The following FHIP1A variants were observed in gnomAD, a reference collection of about 807,000 sequenced individuals.
FHIP1A encodes FHF complex subunit HOOK-interacting protein 1A.
In FHIP1A, 61 loss-of-function variants were observed where a neutral mutation model predicts 88.6. The observed-to-expected ratio is 0.69, with a 90% confidence interval of 0.56 to 0.85. The LOEUF is 0.85. Ranked by LOEUF, FHIP1A falls within the 40% of genes least tolerant of loss-of-function variation. The pLI, the probability that FHIP1A is intolerant of heterozygous loss-of-function variation, is 0.00. For synonymous variants in FHIP1A, 478 were observed against 496.0 expected (o/e 0.96, Z 0.48); for missense variants, 1,154 against 1,273.5 (o/e 0.91, Z 1.43).
chr4:151,523,431 C>T (rs1420232100), intron 3 of FHIP1A, among the ~76,000 whole-genome samples: 1 of 152,106 alleles, frequency 6.6e-6, no homozygotes, highest in African/African-American at 2.4e-5. Context: ...CTGGAGGGCT[C>T]CCCATAAGTG....
chr4:151,410,770 A>T (rs1732600871), intron 1 of FHIP1A, among the ~76,000 whole-genome samples: 1 of 152,246 alleles, frequency 6.6e-6, no homozygotes, highest in Non-Finnish European at 1.5e-5. Flanking sequence ...TCTTTAATAC[A>T]GTATACTTGT....
At chr4:151,409,696 C>T (rs1355552508) in intron 1 of FHIP1A, among the ~76,000 whole-genome samples, 2 of 151,926 alleles carry the variant, frequency 1.3e-5, no homozygotes, top group African/African-American at 2.4e-5. Context: ...TCTAGGGTTT[C>T]GGGCTCCGGG....
At chr4:151,652,704 T>G (rs530360322) in intron 11 of FHIP1A, among the ~76,000 whole-genome samples, 46 of 152,256 alleles carry the variant, frequency 3.0e-4, no homozygotes, top group African/African-American at 1.1e-3. Context: ...AGGAGGGGCA[T>G]GGACAGTGCA....
intron 11 of FHIP1A, among the ~76,000 whole-genome samples, chr4:151,653,743 T>C (rs1328039811): frequency 6.6e-6 from 1 of 152,128 alleles, no homozygotes; most frequent in Non-Finnish European, 1.5e-5. Flanking sequence ...ATCAGAGATA[T>C]GTCCAGGGTA....
At chr4:151,622,798 C>T (rs1433663549) in intron 7 of FHIP1A, among the ~76,000 whole-genome samples, 1 of 152,042 alleles carries the variant, frequency 6.6e-6, no homozygotes, top group Non-Finnish European at 1.5e-5. Context: ...CAAAATGCCC[C>T]CATATTTCCT....
At chr4:151,499,857 C>A (rs1009272194) in intron 3 of FHIP1A, among the ~76,000 whole-genome samples, 5 of 152,148 alleles carry the variant, frequency 3.3e-5, no homozygotes, top group African/African-American at 1.2e-4. Flanking sequence ...GTAACCGCCT[C>A]CCGTGATGAA....
At chr4:151,532,402 C>T (rs1360647760) in intron 3 of FHIP1A, among the ~76,000 whole-genome samples, 5 of 152,194 alleles carry the variant, frequency 3.3e-5, no homozygotes, top group Non-Finnish European at 5.9e-5. Context: ...CTCTGTTGTG[C>T]AGTTTTCATG....
intron 4 of FHIP1A, among the ~76,000 whole-genome samples, chr4:151,572,024 A>G (rs77964690): frequency 0.1 from 15,246 of 152,164 alleles, 1,279 homozygotes; most frequent in South Asian, 0.29. Context: ...CCTGGCCAAC[A>G]TGGTGAAACA....
chr4:151,637,879 C>G (rs1051126882), intron 8 of FHIP1A, among the ~76,000 whole-genome samples: 2 of 152,072 alleles, frequency 1.3e-5, no homozygotes, highest in Non-Finnish European at 2.9e-5. Flanking sequence ...TTTCATTGGC[C>G]AGATTTTAAG....
intron 3 of FHIP1A, among the ~76,000 whole-genome samples, chr4:151,517,392 G>A (rs973883431): frequency 2.0e-5 from 3 of 151,968 alleles, no homozygotes; most frequent in Non-Finnish European, 4.4e-5. Context: ...CATGGCACAT[G>A]TATACATATG....
At chr4:151,475,611 TGTGGCTGAA>T (rs1036092559) in intron 2 of FHIP1A, among the ~76,000 whole-genome samples, 5 of 152,054 alleles carry the variant, frequency 3.3e-5, no homozygotes, top group Middle Eastern at 3.2e-3. Context: ...GAGAGGCCAT[TGTGGCTGAA>T]GTGGCTGAAG....
chr4:151,498,135 A>C (rs1399400379), intron 3 of FHIP1A, among the ~76,000 whole-genome samples: 1 of 152,172 alleles, frequency 6.6e-6, no homozygotes, highest in Admixed American at 6.5e-5. Flanking sequence ...TCTCTGATCT[A>C]TTGTGGTAAT....
intron 4 of FHIP1A, among the ~76,000 whole-genome samples, chr4:151,575,259 T>C (rs1733744041): frequency 6.6e-6 from 1 of 152,230 alleles, no homozygotes; most frequent in Non-Finnish European, 1.5e-5. Flanking sequence ...TGAATTTTGT[T>C]CTTCAGAATG....
chr4:151,613,068 C>A (rs1735385837), intron 7 of FHIP1A, among the ~76,000 whole-genome samples: 1 of 152,154 alleles, frequency 6.6e-6, no homozygotes, highest in African/African-American at 2.4e-5. Flanking sequence ...CCAGGTGATT[C>A]TAACATAGAA....
intron 9 of FHIP1A, among the ~76,000 whole-genome samples, chr4:151,644,785 G>A (rs1443000752): frequency 6.6e-6 from 1 of 152,024 alleles, no homozygotes; most frequent in Non-Finnish European, 1.5e-5. Flanking sequence ...CCCTCAACCT[G>A]CTGCCCCTGT....
At chr4:151,565,432 T>C (rs928147621) in intron 3 of FHIP1A, among the ~76,000 whole-genome samples, 3 of 152,196 alleles carry the variant, frequency 2.0e-5, no homozygotes, top group East Asian at 1.9e-4. Flanking sequence ...ATAAACACTA[T>C]CTTGTTTTTG....
At chr4:151,513,730 A>T (rs1731121534) in intron 3 of FHIP1A, among the ~76,000 whole-genome samples, 1 of 152,146 alleles carries the variant, frequency 6.6e-6, no homozygotes, top group Admixed American at 6.5e-5. Context: ...TGGTAAAGGG[A>T]TCAATTCAAC....
chr4:151,583,064 G>T (rs1446246366), intron 5 of FHIP1A, among the ~76,000 whole-genome samples: 1 of 151,806 alleles, frequency 6.6e-6, no homozygotes, highest in Non-Finnish European at 1.5e-5. Flanking sequence ...ATCTTTCCTG[G>T]TCCAACTTGT....
chr4:151,651,687 T>C (rs1163985429), intron 11 of FHIP1A, among the ~76,000 whole-genome samples: 1 of 152,144 alleles, frequency 6.6e-6, no homozygotes, highest in African/African-American at 2.4e-5. Context: ...TAACCCAAAA[T>C]AGATGAAAAC....
Sources: gnomAD v4.1 joint callset for allele counts (sites outside exome capture counted in the v4.1 genomes callset) on GRCh38, gnomAD v4.1.1 for gene constraint, MANE v1.5 for transcripts, NCBI Gene and HGNC (gene_info 2026-07-23, HGNC 2026-07-21) for gene names.